Variants in MAGI2 observed in about 807,000 individuals in gnomAD.
The protein encoded by MAGI2 is membrane-associated guanylate kinase, WW and PDZ domain-containing protein 2.
A neutral mutation model predicts 133.3 loss-of-function variants in MAGI2; 35 were observed. That is an observed-to-expected ratio of 0.26 (90% CI 0.20 to 0.35). The LOEUF (loss-of-function observed/expected upper bound fraction) is 0.35, where lower values mean the gene tolerates loss of function less well. Among genes scored for constraint, MAGI2 ranks in the 10% least tolerant of loss-of-function variants. MAGI2 has a pLI of 1.00. For missense variants in MAGI2, 1,636 were observed against 1,863.4 expected, an observed-to-expected ratio of 0.88 and a Z score of 2.25; for synonymous variants, 729 against 710.6, an observed-to-expected ratio of 1.03 and a Z score of -0.41.
intron 1 of MAGI2, among the ~76,000 whole-genome samples, chr7:79,042,091 C>T (rs1358334780): frequency 6.6e-6 from 1 of 152,006 alleles, no homozygotes; most frequent in East Asian, 1.9e-4. Flanking sequence ...TCACAATATA[C>T]ATATCTGACA....
chr7:79,447,546 A>C (rs1848943590), intron 1 of MAGI2, among the ~76,000 whole-genome samples: 1 of 151,942 alleles, frequency 6.6e-6, no homozygotes, highest in South Asian at 2.1e-4. Context: ...ATTATGGGGA[A>C]GCTAGCAGTG....
At chr7:79,143,737 T>C (rs184075017) in intron 1 of MAGI2, among the ~76,000 whole-genome samples, 1 of 152,326 alleles carries the variant, frequency 6.6e-6, no homozygotes, top group Admixed American at 6.5e-5. Context: ...ATTCTAGTAA[T>C]TTTAAAAGCT....
At chr7:79,119,757 G>T (rs769365960) in intron 1 of MAGI2, among the ~76,000 whole-genome samples, 3 of 151,896 alleles carry the variant, frequency 2.0e-5, no homozygotes, top group Non-Finnish European at 4.4e-5. Flanking sequence ...CGAAGGGAAG[G>T]GCAAGAAAGA....
intron 3 of MAGI2, among the ~76,000 whole-genome samples, chr7:78,549,852 C>A (rs1278286821): frequency 6.6e-6 from 1 of 152,142 alleles, no homozygotes; most frequent in Non-Finnish European, 1.5e-5. Context: ...AACTGAAAAT[C>A]ATTTTCTGAT....
chr7:79,267,468 G>C (rs185554744), intron 1 of MAGI2, among the ~76,000 whole-genome samples: 34 of 152,310 alleles, frequency 2.2e-4, no homozygotes, highest in Admixed American at 1.5e-3. Context: ...TGACTAGAAA[G>C]AGAGGTAGAA....
At chr7:78,585,969 A>G (rs539510551) in intron 3 of MAGI2, among the ~76,000 whole-genome samples, 1 of 152,314 alleles carries the variant, frequency 6.6e-6, no homozygotes, top group South Asian at 2.1e-4. Context: ...AATTCGTGAT[A>G]ACATTCTGTC....
At chr7:78,193,925 A>G (rs1828473268) in intron 12 of MAGI2, among the ~76,000 whole-genome samples, 1 of 152,192 alleles carries the variant, frequency 6.6e-6, no homozygotes, top group African/African-American at 2.4e-5. Context: ...TGGGTGCATA[A>G]TTCTCAGCCC....
chr7:78,279,542 CT>C (rs1795354048), intron 9 of MAGI2, among the ~76,000 whole-genome samples: 3 of 152,050 alleles, frequency 2.0e-5, no homozygotes, highest in Admixed American at 2.0e-4. Flanking sequence ...TTCAATCACC[CT>C]CAGGGCATCT....
At chr7:78,667,907 G>C (rs1813826391) in intron 2 of MAGI2, among the ~76,000 whole-genome samples, 1 of 152,190 alleles carries the variant, frequency 6.6e-6, no homozygotes, top group South Asian at 2.1e-4. Context: ...TATACACCCA[G>C]TAATGGGATG....
Position 79,011,469 on chromosome 7 carries a change from C to T in MAGI2, c.302-4263G>A, listed in dbSNP as rs1023486293. Among the ~76,000 whole-genome samples the T allele has an allele frequency of 5.9e-5, 9 of 152,176 alleles. No individual in the cohort carries two copies. In the South Asian group the frequency reaches 1.5e-3, roughly 25 times the overall value. ...TGCCAAGTGTCTGGTTGCTAGTAGT[C>T]CCATCTAGTAAAGTAGTGTCATCTC... On this transcript the variant is annotated intron_variant, in intron 1 of 21. Transcript: ENST00000354212.
intron 1 of MAGI2, among the ~76,000 whole-genome samples, chr7:79,133,888 G>GGTACC (rs1263959533): frequency 6.6e-6 from 1 of 152,092 alleles, no homozygotes; most frequent in Admixed American, 6.6e-5. Context: ...GTACCACTGG[G>GGTACC]ACCCATGTAA....
At chr7:78,580,532 G>A (rs1300055089) in intron 3 of MAGI2, among the ~76,000 whole-genome samples, 1 of 152,144 alleles carries the variant, frequency 6.6e-6, no homozygotes, top group South Asian at 2.1e-4. Context: ...CCCAATTGGG[G>A]CACAGGCAGG....
intron 5 of MAGI2, among the ~76,000 whole-genome samples, chr7:78,498,851 T>TA (rs1794366166): frequency 1.3e-5 from 2 of 152,050 alleles, no homozygotes; most frequent in African/African-American, 4.8e-5. Flanking sequence ...CCTCCTCTGT[T>TA]AATCACCTTC....
At chr7:78,113,768 C>G (rs555834437) in intron 20 of MAGI2, among the ~76,000 whole-genome samples, 1 of 152,180 alleles carries the variant, frequency 6.6e-6, no homozygotes, top group African/African-American at 2.4e-5. Context: ...GAGATGCATG[C>G]CTGTATTTTA....
chr7:78,370,312 C>T (rs1199212630), intron 6 of MAGI2, among the ~76,000 whole-genome samples: 1 of 151,970 alleles, frequency 6.6e-6, no homozygotes, highest in African/African-American at 2.4e-5. Flanking sequence ...AACAGAATAT[C>T]AAGGATGTCA....
chr7:78,388,138 T>C (rs1392902234), intron 6 of MAGI2, among the ~76,000 whole-genome samples: 1 of 152,172 alleles, frequency 6.6e-6, no homozygotes, highest in Non-Finnish European at 1.5e-5. Flanking sequence ...TTGGGTTTTC[T>C]TGCATAAGCC....
rs375281215 is a variant in MAGI2, at chr7:79,267,439, C to T, written c.301+185581G>A. ...GTGCAGGACTTAACACTGTAACCAA[C>T]AGCAAAACCTAAGTGGGCTGACTAG... On this transcript the variant is annotated intron_variant, in intron 1 of 21. Transcript: ENST00000354212. 9.2e-5 allele frequency among the ~76,000 whole-genome samples: 14 copies of T among 152,158 alleles called. No homozygotes were observed. In the East Asian group the frequency reaches 1.9e-3, roughly 21 times the overall value.
chr7:78,332,118 T>C (rs1403274337), intron 9 of MAGI2, among the ~76,000 whole-genome samples: 2 of 152,176 alleles, frequency 1.3e-5, no homozygotes, highest in African/African-American at 4.8e-5. Context: ...AACATTTGTA[T>C]AGTTACCCCT....
At chr7:78,909,459 C>G (rs1248626436) in intron 2 of MAGI2, among the ~76,000 whole-genome samples, 1 of 150,270 alleles carries the variant, frequency 6.7e-6, no homozygotes, top group Admixed American at 6.6e-5. Flanking sequence ...AAAAATTAGC[C>G]AGGCGTGGTG....
Sources: allele counts gnomAD v4.1 joint callset (sites outside exome capture counted in the v4.1 genomes callset), GRCh38; gene constraint gnomAD v4.1.1; transcripts MANE v1.5; gene names NCBI Gene and HGNC (gene_info 2026-07-23, HGNC 2026-07-21).